CELF2: variants seen among roughly 807,000 people sequenced by gnomAD.
CELF2 encodes the protein CUG triplet repeat RNA-binding protein 2.
A neutral mutation model predicts 62.6 loss-of-function variants in CELF2; 8 were observed. The ratio of observed to expected loss-of-function variants is 0.13; its 90% CI spans 0.07 to 0.23. The LOEUF is 0.23. Among genes scored for constraint, CELF2 ranks in the 10% least tolerant of loss-of-function variants. The probability of loss-of-function intolerance (pLI) is 1.00; values close to 1 mark genes in which losing one functional copy is unlikely to be tolerated. For synonymous variants in CELF2, 258 were observed against 250.0 expected (o/e 1.03, Z -0.30); for missense variants, 333 against 671.0 (o/e 0.50, Z 5.56).
intron 1 of CELF2, among the ~76,000 whole-genome samples, chr10:11,131,685 G>T (rs2059648385): frequency 6.6e-6 from 1 of 152,234 alleles, no homozygotes; most frequent in Non-Finnish European, 1.5e-5. Flanking sequence ...GGCTGCTGTT[G>T]CAATGACAGG....
intron 1 of CELF2, among the ~76,000 whole-genome samples, chr10:11,112,434 T>G (rs2055424446): frequency 6.6e-6 from 1 of 152,218 alleles, no homozygotes; most frequent in Non-Finnish European, 1.5e-5. Context: ...TAGTGACGTA[T>G]ATGTACACAC....
In CELF2 at chr10:11,191,405, G is replaced by A. The variant is rs17149735; in HGVS notation, c.271+25723G>A. Among the ~76,000 whole-genome samples, 1,109 of 152,286 alleles carry A rather than the reference G, an allele frequency of 7.3e-3. 14 individuals are homozygous for A. The highest frequency in any genetic ancestry group is 0.025 in the African/African-American group (1,051 of 41,534). ...TGTACCCGTCCTCTATTGTGTGGGA[G>A]GTACCCCAGGCAATGAAACGGAGAG... On this transcript the variant is annotated intron_variant, in intron 2 of 12. Coordinates refer to ENST00000633077, the MANE Select transcript of CELF2 (RefSeq NM_001326342.2). This position sits in a 1 kb window ranked among gnomAD's most constrained non-coding sequence, Gnocchi z 4.1.
intron 2 of CELF2, among the ~76,000 whole-genome samples, chr10:10,932,739 AC>A (rs1232105855): frequency 6.6e-6 from 1 of 151,964 alleles, no homozygotes; most frequent in East Asian, 1.9e-4. Flanking sequence ...ATATACCTGG[AC>A]CAAAGAATTA....
upstream of CELF2, among the ~76,000 whole-genome samples, chr10:10,794,193 A>T (rs1025718353): frequency 6.6e-6 from 1 of 152,146 alleles, no homozygotes; most frequent in African/African-American, 2.4e-5. Context: ...GGGGTTTTTT[A>T]GCTCGCTCCA....
chr10:11,045,145 TCTTAA>T (rs1333531576), intron 1 of CELF2, among the ~76,000 whole-genome samples: 4 of 152,064 alleles, frequency 2.6e-5, no homozygotes, highest in Non-Finnish European at 5.9e-5. Flanking sequence ...TAAGGCTGAG[TCTTAA>T]CTTTATTTTT....
the CELF2 span, among the ~76,000 whole-genome samples, chr10:10,573,755 A>G: frequency 2.0e-5 from 3 of 146,944 alleles, no homozygotes; most frequent in East Asian, 5.8e-4. Context: ...GTTTCAACAT[A>G]ATCGTTTCAG....
At chr10:10,871,572 T>C (rs924522860) in intron 1 of CELF2, among the ~76,000 whole-genome samples, 1 of 151,300 alleles carries the variant, frequency 6.6e-6, no homozygotes, top group African/African-American at 2.4e-5. Flanking sequence ...GATCACGAGG[T>C]CTAGAGACCT....
intron 2 of CELF2, among the ~76,000 whole-genome samples, chr10:10,920,466 G>T (rs1386954962): frequency 3.9e-5 from 6 of 152,086 alleles, no homozygotes; most frequent in Non-Finnish European, 8.8e-5. Flanking sequence ...TAGTATAAGT[G>T]CAGTGGAATT....
chr10:10,627,260 G>A, the CELF2 span, among the ~76,000 whole-genome samples: 37 of 152,308 alleles, frequency 2.4e-4, no homozygotes, highest in East Asian at 1.7e-3. Flanking sequence ...ACCTTCAAGA[G>A]GGAAGGGGTA....
chr10:11,060,750 T>C (rs2066518989), intron 1 of CELF2, among the ~76,000 whole-genome samples: 2 of 152,342 alleles, frequency 1.3e-5, no homozygotes, highest in South Asian at 4.1e-4. Flanking sequence ...TGCATCTCTG[T>C]TTCACACTTT....
chr10:10,520,788 A>G, the CELF2 span, among the ~76,000 whole-genome samples: 4 of 152,312 alleles, frequency 2.6e-5, no homozygotes, highest in African/African-American at 9.6e-5. Context: ...GATGCATCAG[A>G]AGGCTTGAGC....
At chr10:11,167,633 C>T (rs1487025622) in intron 2 of CELF2, among the ~76,000 whole-genome samples, 1 of 152,182 alleles carries the variant, frequency 6.6e-6, no homozygotes, top group Admixed American at 6.5e-5. Flanking sequence ...GCATTTTTTA[C>T]CAGCCTATAT....
intron 1 of CELF2, among the ~76,000 whole-genome samples, chr10:11,065,949 T>C (rs184582030): frequency 6.6e-5 from 10 of 152,274 alleles, no homozygotes; most frequent in Non-Finnish European, 1.2e-4. Context: ...CACGTGCTTA[T>C]GCAGGGTAGA....
the CELF2 span, among the ~76,000 whole-genome samples, chr10:10,710,757 G>A: frequency 2.0e-5 from 3 of 152,054 alleles, no homozygotes; most frequent in Non-Finnish European, 4.4e-5. Flanking sequence ...TGCATTAATG[G>A]AATCAGTAGA....
chr10:10,802,187 A>G (rs1010972636), intron 1 of CELF2, among the ~76,000 whole-genome samples: 3 of 152,184 alleles, frequency 2.0e-5, no homozygotes, highest in Admixed American at 6.5e-5. Context: ...AAAAGAATAA[A>G]ATAGGCTGGG....
At chr10:11,068,948 G>A (rs931468052) in intron 1 of CELF2, among the ~76,000 whole-genome samples, 5 of 152,150 alleles carry the variant, frequency 3.3e-5, no homozygotes, top group East Asian at 1.9e-4. Flanking sequence ...CCTAAGACAC[G>A]TTGTGACGTC....
At chr10:10,886,960 G>A (rs547139433) in intron 1 of CELF2, among the ~76,000 whole-genome samples, 1 of 152,298 alleles carries the variant, frequency 6.6e-6, no homozygotes, top group South Asian at 2.1e-4. Flanking sequence ...TTTGGGGTGT[G>A]GGGTGGGAGA....
At chr10:11,125,338 C>T (rs533787177) in intron 1 of CELF2, among the ~76,000 whole-genome samples, 5 of 151,924 alleles carry the variant, frequency 3.3e-5, no homozygotes, top group East Asian at 3.9e-4. Flanking sequence ...AGCTAGGAAT[C>T]GGGATTTTTC....
chr10:10,496,089 G>A, the CELF2 span, among the ~76,000 whole-genome samples: 1 of 152,142 alleles, frequency 6.6e-6, no homozygotes, highest in East Asian at 1.9e-4. Flanking sequence ...TTTTGCTCAT[G>A]TCCCCATTTG....
Sources: allele counts gnomAD v4.1 joint callset (sites outside exome capture counted in the v4.1 genomes callset), GRCh38; gene constraint gnomAD v4.1.1; non-coding constraint Gnocchi (gnomAD v3.1); transcripts MANE v1.5; gene names NCBI Gene and HGNC (gene_info 2026-07-23, HGNC 2026-07-21).